The following RTRAF variants were observed in gnomAD, a reference collection of about 807,000 sequenced individuals.
RTRAF encodes the protein tRNA-splicing ligase complex subunit RTRAF.
RTRAF carries 14 observed loss-of-function variants against 34.4 expected under a neutral mutation model. The observed-to-expected ratio is 0.41, with a 90% CI of 0.27 to 0.64. The LOEUF (loss-of-function observed/expected upper bound fraction) is 0.64, where lower values mean the gene tolerates loss of function less well. RTRAF is among the 30% of genes least tolerant of loss of function. The pLI is 0.34. For missense variants in RTRAF, 291 were observed against 288.4 expected, an observed-to-expected ratio of 1.01 and a Z score of -0.06; for synonymous variants, 96 against 95.3, an observed-to-expected ratio of 1.01 and a Z score of -0.04.
chr14:51,997,853 C>G (rs748580336), intron 3 of RTRAF: 3 of 151,778 alleles, frequency 2.0e-5, no homozygotes, highest in Non-Finnish European at 4.4e-5. Flanking sequence ...TCCCATTCTT[C>G]TACCCCAGAT....
In RTRAF at chr14:51,990,630, A is replaced by G. The variant is rs547848445; in HGVS notation, c.62-687A>G. ...CTTTAACAAAAAAGTATCAGTGACA[A>G]TAGAGCCTTGTTCTGGATTGGAATC... On this transcript the variant is annotated intron_variant, in intron 1 of 7. Coordinates refer to ENST00000261700, the MANE Select transcript of RTRAF (RefSeq NM_016039.3). Among the ~76,000 whole-genome samples, 7 of 152,354 alleles carry G rather than the reference A, an allele frequency of 4.6e-5. No individual in the cohort carries two copies. In the East Asian group the frequency reaches 1.2e-3, roughly 25 times the overall value.
chr14:52,004,072 C>A, intron 6 of RTRAF, 122 bp from the exon 7 acceptor site: 1 of 823,844 alleles, frequency 1.2e-6, no homozygotes, highest in Non-Finnish European at 2.0e-6. Flanking sequence ...TTCCTAGTTC[C>A]CTTGCCCATG....
At position 52,010,592 on chromosome 14, in the gene RTRAF, G is replaced by A. The variant is rs1158827215; in HGVS notation, c.*6076G>A. ...GATCATTTGATTCAGAGTAGCCCTA[G>A]TTCTCACAACACTATCTGAATTTTC... On this transcript the variant is annotated 3_prime_UTR_variant, in exon 8 of 8. Transcript: ENST00000261700. The A allele has an allele frequency of 7.2e-6, 2 of 277,956 alleles. No individual in the cohort carries two copies. Among genetic ancestry groups the A allele is most frequent in the African/African-American group, 4.3e-5 (2 of 46,768 alleles). The allele number at this position is 277,956 out of a possible 1,614,324, so 17.2% of individuals were successfully genotyped here.
chr14:51,990,955 C>T (rs1220919438), intron 1 of RTRAF, among the ~76,000 whole-genome samples: 1 of 152,086 alleles, frequency 6.6e-6, no homozygotes, highest in Admixed American at 6.5e-5. Context: ...TGTTTTTATC[C>T]GTATTTATTT....
intron 5 of RTRAF, among the ~76,000 whole-genome samples, chr14:52,001,413 C>T (rs572679962): frequency 6.6e-6 from 1 of 152,200 alleles, no homozygotes; most frequent in South Asian, 2.1e-4. Context: ...AATGTGTATT[C>T]GTGCTAAGCA....
intron 2 of RTRAF, among the ~76,000 whole-genome samples, chr14:51,991,832 T>C (rs1890440187): frequency 6.6e-6 from 1 of 152,174 alleles, no homozygotes; most frequent in African/African-American, 2.4e-5. Flanking sequence ...TTTGGGAGGC[T>C]GAGGTGGCAG....
At chr14:51,993,207 T>C in intron 2 of RTRAF, among the ~76,000 whole-genome samples, 1 of 152,268 alleles carries the variant, frequency 6.6e-6, no homozygotes, top group African/African-American at 2.4e-5. Context: ...TAATGTTACA[T>C]ATAATACTAT....
At chr14:51,999,869 C>A in intron 5 of RTRAF, 73 bp downstream of exon 5, 1 of 1,014,426 alleles carries the variant, frequency 9.9e-7, no homozygotes, top group Non-Finnish European at 1.5e-6. Context: ...TAAATATTAA[C>A]TATTGATATT....
chr14:51,999,126 G>T (rs1487216533), intron 4 of RTRAF, among the ~76,000 whole-genome samples: 1 of 151,940 alleles, frequency 6.6e-6, no homozygotes, highest in Non-Finnish European at 1.5e-5. Context: ...CCATGGAGGG[G>T]ATCTATGTAC....
chr14:51,993,586 T>C (rs1214881500), intron 2 of RTRAF, 137 bp from the exon 3 acceptor site: 1 of 592,136 alleles, frequency 1.7e-6, no homozygotes, highest in Non-Finnish European at 3.0e-6. Flanking sequence ...GGTTATATAA[T>C]TGCATCAAAA....
Position 51,991,303 on chromosome 14 carries a change from A to T in RTRAF, c.62-14A>T. ...TAGTGCTTCTAGTTATTTATGTGAT[A>T]TTTTTTATTGCAGATGAAACAGAAT... On this transcript the variant is annotated splice_polypyrimidine_tract_variant and intron_variant, in intron 1 of 7. Coordinates refer to ENST00000261700, the MANE Select transcript of RTRAF (RefSeq NM_016039.3). The T allele has an allele frequency of 6.2e-7, 1 of 1,610,884 alleles. No homozygotes were observed. The highest frequency in any genetic ancestry group is 8.5e-7 in the Non-Finnish European group (1 of 1,177,850).
In RTRAF at chr14:52,007,545, C is replaced by A. The variant is rs1890833272; in HGVS notation, c.*3029C>A. 2 of 426,046 alleles carry A rather than the reference C, an allele frequency of 4.7e-6. No individual in the cohort carries two copies. The highest frequency in any genetic ancestry group is 8.7e-5 in the Admixed American group (2 of 22,910). The allele number at this position is 426,046 out of a possible 1,614,324, so 26.4% of individuals were successfully genotyped here. Reference sequence around the variant, plus strand: ...TTTGTCAATTCAACAATGGCTAATTCTTTTAACTGTTAAAAATATGCCAGG... The same window carrying A: ...TTTGTCAATTCAACAATGGCTAATTATTTTAACTGTTAAAAATATGCCAGG... On this transcript the variant is annotated 3_prime_UTR_variant, in exon 8 of 8. Coordinates refer to ENST00000261700, the MANE Select transcript of RTRAF (RefSeq NM_016039.3).
Position 52,010,599 on chromosome 14 carries a change from C to G in RTRAF, c.*6083C>G, listed in dbSNP as rs1890975478. On this transcript the variant is annotated 3_prime_UTR_variant, in exon 8 of 8. Coordinates refer to ENST00000261700, the MANE Select transcript of RTRAF (RefSeq NM_016039.3). ...TGATTCAGAGTAGCCCTAGTTCTCA[C>G]AACACTATCTGAATTTTCTACATAT... is the stretch of plus-strand genomic sequence containing the variant. 3 of 300,702 alleles carry G rather than the reference C, an allele frequency of 1.0e-5. No individual in the cohort carries two copies. Among genetic ancestry groups the G allele is most frequent in the Non-Finnish European group, 1.9e-5 (3 of 156,604 alleles). 18.6% of individuals were successfully genotyped at this position (300,702 alleles called of 1,614,324 possible). A position where few individuals can be genotyped will look rare whatever the true frequency, so the allele number is the denominator to read the frequency against.
chr14:52,006,802 T>A lies in RTRAF; in HGVS notation c.*2286T>A. On this transcript the variant is annotated 3_prime_UTR_variant, in exon 8 of 8. Transcript: ENST00000261700. ...AGTCATAGATTAGCAACTGTAAAAT[T>A]ACCTGTCCTATTACTAGTCTCCAGT... is the stretch of plus-strand genomic sequence containing the variant. The A allele has an allele frequency of 1.2e-6, 1 of 818,474 alleles. No homozygotes were observed. The highest frequency in any genetic ancestry group is 1.9e-6 in the Non-Finnish European group (1 of 528,552). 50.7% of individuals were successfully genotyped at this position (818,474 alleles called of 1,614,324 possible).
chr14:52,004,280 C>T, intron 7 of RTRAF, 38 bp downstream of exon 7: 5 of 1,597,098 alleles, frequency 3.1e-6, no homozygotes, highest in Non-Finnish European at 4.3e-6. Flanking sequence ...ATTTTTTTTA[C>T]AGACTGAATA....
intron 3 of RTRAF, among the ~76,000 whole-genome samples, chr14:51,995,351 C>G (rs1890502453): frequency 1.3e-5 from 2 of 151,948 alleles, no homozygotes; most frequent in South Asian, 4.2e-4. Context: ...GACTCTGGCC[C>G]CTTCTTCCTT....
In RTRAF at chr14:52,006,560, G is replaced by A; in HGVS notation, c.*2044G>A. On this transcript the variant is annotated 3_prime_UTR_variant, in exon 8 of 8. Coordinates refer to ENST00000261700, the MANE Select transcript of RTRAF (RefSeq NM_016039.3). ...ACCTCCTCCAGTCTGTGTGGTAGAA[G>A]TGATCTGCATAGCTTACGATGCTGA... 2 of 1,613,788 alleles carry A rather than the reference G, an allele frequency of 1.2e-6. No individual in the cohort carries two copies. Among genetic ancestry groups the A allele is most frequent in the Non-Finnish European group, 1.7e-6 (2 of 1,179,732 alleles).
chr14:52,006,615 C>T lies in RTRAF; in HGVS notation c.*2099C>T, dbSNP rs140379779. 28 of 1,613,848 alleles carry T rather than the reference C, an allele frequency of 1.7e-5. No homozygotes were observed. The African/African-American group carries it at 3.3e-4, about 19-fold the overall frequency. ...GTACTTGAGGTTGTTTTGAATGACA[C>T]GCCGTCCAGTTCCATCAGGTAGTGT... On this transcript the variant is annotated 3_prime_UTR_variant, in exon 8 of 8. Transcript: ENST00000261700.
intron 2 of RTRAF, among the ~76,000 whole-genome samples, chr14:51,991,739 A>G (rs935668422): frequency 2.6e-5 from 4 of 152,172 alleles, no homozygotes; most frequent in African/African-American, 9.7e-5. Flanking sequence ...CCAAATCAGA[A>G]TTTTTGTTAA....
Sources: gnomAD v4.1 joint callset for allele counts (sites outside exome capture counted in the v4.1 genomes callset) on GRCh38, gnomAD v4.1.1 for gene constraint, MANE v1.5 for transcripts, NCBI Gene and HGNC (gene_info 2026-07-23, HGNC 2026-07-21) for gene names.